GUCY1A2: variants seen among roughly 807,000 people sequenced by gnomAD.
GUCY1A2 encodes guanylate cyclase soluble subunit alpha-2.
Under a neutral mutation model 63.5 loss-of-function variants are expected in GUCY1A2, and 27 were observed. That is an observed-to-expected ratio of 0.43 (90% CI 0.31 to 0.59). GUCY1A2 has a LOEUF of 0.59. GUCY1A2 is among the 20% of genes least tolerant of loss of function. The pLI is 0.11. For missense variants in GUCY1A2, 768 were observed against 913.3 expected, an observed-to-expected ratio of 0.84 and a Z score of 2.05; for synonymous variants, 364 against 343.5, an observed-to-expected ratio of 1.06 and a Z score of -0.66.
chr11:106,987,416 C>T (rs1267649038), intron 1 of GUCY1A2, among the ~76,000 whole-genome samples: 1 of 152,130 alleles, frequency 6.6e-6, no homozygotes, highest in African/African-American at 2.4e-5. Context: ...TTTGGGAGGC[C>T]GAGGCACGTG....
chr11:106,766,452 CTT>C, intron 6 of GUCY1A2, among the ~76,000 whole-genome samples: 1 of 151,906 alleles, frequency 6.6e-6, no homozygotes, highest in Non-Finnish European at 1.5e-5. Flanking sequence ...TATAAAAAGA[CTT>C]TAAAGATACA....
chr11:106,790,493 T>G (rs1474269848), intron 5 of GUCY1A2, among the ~76,000 whole-genome samples: 4 of 152,228 alleles, frequency 2.6e-5, no homozygotes, highest in Admixed American at 2.0e-4. Context: ...TTACTGGGGC[T>G]GAGCTGGTAC....
At chr11:106,900,900 G>A (rs1860123342) in intron 4 of GUCY1A2, among the ~76,000 whole-genome samples, 1 of 152,202 alleles carries the variant, frequency 6.6e-6, no homozygotes, top group Admixed American at 6.5e-5. Flanking sequence ...TGTAGGTTTT[G>A]CCTCTGTTGT....
chr11:107,002,832 T>A (rs1241159574), intron 1 of GUCY1A2, among the ~76,000 whole-genome samples: 1 of 152,152 alleles, frequency 6.6e-6, no homozygotes, highest in Non-Finnish European at 1.5e-5. Flanking sequence ...ATGACTAAGT[T>A]AAAATGACAA....
chr11:106,937,902 G>A lies in GUCY1A2; in HGVS notation c.1206+1558C>T, dbSNP rs183544868. ...TTAATTTCCTAAACCACCTGATTTC[G>A]TCATATTGAATAAATGTGCATCTTT... On this transcript the variant is annotated intron_variant, in intron 4 of 7. Transcript: ENST00000526355. Among the ~76,000 whole-genome samples the A allele has an allele frequency of 3.2e-3, 488 of 152,058 alleles. 4 individuals are homozygous for A. The highest frequency in any genetic ancestry group is 0.01 in the African/African-American group (420 of 41,474).
At chr11:106,952,898 C>T (rs1840569) in intron 3 of GUCY1A2, among the ~76,000 whole-genome samples, 13,747 of 152,114 alleles carry the variant, frequency 0.09, 771 homozygotes, top group Middle Eastern at 0.15. Flanking sequence ...TCTCAGCCTC[C>T]CAAAGTGCTG....
At chr11:106,725,950 T>A (rs1005350409) in intron 6 of GUCY1A2, among the ~76,000 whole-genome samples, 1 of 152,070 alleles carries the variant, frequency 6.6e-6, no homozygotes, top group Non-Finnish European at 1.5e-5. Flanking sequence ...GAAAAGTAGA[T>A]CTTACCCATT....
intron 3 of GUCY1A2, among the ~76,000 whole-genome samples, chr11:106,952,728 C>T (rs1860927490): frequency 6.6e-6 from 1 of 151,984 alleles, no homozygotes; most frequent in African/African-American, 2.4e-5. Flanking sequence ...GAAACCTCCA[C>T]CTCCTGGGTT....
At chr11:106,925,629 C>A (rs1377152140) in intron 4 of GUCY1A2, among the ~76,000 whole-genome samples, 2 of 152,266 alleles carry the variant, frequency 1.3e-5, no homozygotes, top group East Asian at 3.9e-4. Flanking sequence ...ATATTGTCTA[C>A]ATTATAATAC....
chr11:106,725,878 TC>T (rs544278978), intron 6 of GUCY1A2, among the ~76,000 whole-genome samples: 33 of 151,370 alleles, frequency 2.2e-4, no homozygotes, highest in Admixed American at 5.3e-4. Flanking sequence ...TTTTTTTTTT[TC>T]CCTCCTTTTA....
intron 3 of GUCY1A2, among the ~76,000 whole-genome samples, chr11:106,957,864 T>A (rs1484801744): frequency 1.4e-3 from 8 of 5,686 alleles, no homozygotes; most frequent in African/African-American, 3.3e-3. Flanking sequence ...ACTTTTTTTT[T>A]TTTTTTTTTT....
chr11:106,844,931 A>G lies in GUCY1A2; in HGVS notation c.1207-34453T>C, dbSNP rs75189104. On this transcript the variant is annotated intron_variant, in intron 4 of 7. Transcript: ENST00000526355. ...GGCATCATTTTTCCAATTACCTTTC[A>G]GGTAAACATAACAGAAAAAAAAGGC... is the stretch of plus-strand genomic sequence containing the variant. Among the ~76,000 whole-genome samples the G allele has an allele frequency of 1.5e-3, 230 of 151,856 alleles. 2 individuals carry two copies. The highest frequency in any genetic ancestry group is 2.6e-3 in the Admixed American group (39 of 15,198).
At chr11:106,728,185 G>A (rs1057406227) in intron 6 of GUCY1A2, among the ~76,000 whole-genome samples, 1 of 151,872 alleles carries the variant, frequency 6.6e-6, no homozygotes, top group Non-Finnish European at 1.5e-5. Flanking sequence ...TCTTCTTCTT[G>A]CACCATCCTA....
intron 7 of GUCY1A2, among the ~76,000 whole-genome samples, chr11:106,699,811 T>G (rs1350789996): frequency 1.3e-5 from 2 of 151,906 alleles, no homozygotes; most frequent in African/African-American, 4.8e-5. Context: ...AGGCGGAGTC[T>G]CGGTCTGTCG....
At chr11:106,709,291 ATTTATATTTT>A (rs1862989986) in intron 6 of GUCY1A2, among the ~76,000 whole-genome samples, 1 of 51,472 alleles carries the variant, frequency 1.9e-5, no homozygotes, top group African/African-American at 1.3e-4. Flanking sequence ...ATTTATATAT[ATTTATATTTT>A]TATATTTATA....
At chr11:106,825,609 A>G (rs1289600017) in intron 4 of GUCY1A2, among the ~76,000 whole-genome samples, 1 of 151,872 alleles carries the variant, frequency 6.6e-6, no homozygotes, top group Admixed American at 6.6e-5. Flanking sequence ...TTTGAAAGCA[A>G]TATTACACTG....
chr11:106,831,916 CCATACT>C (rs1426183600), intron 4 of GUCY1A2, among the ~76,000 whole-genome samples: 1 of 152,142 alleles, frequency 6.6e-6, no homozygotes, highest in Non-Finnish European at 1.5e-5. Context: ...CGCACCTCCT[CCATACT>C]AAGAATGTGG....
chr11:106,954,265 T>A (rs1012684045), intron 3 of GUCY1A2, among the ~76,000 whole-genome samples: 1 of 152,190 alleles, frequency 6.6e-6, no homozygotes, highest in African/African-American at 2.4e-5. Context: ...AATTTCATTA[T>A]TTACCCGGGA....
chr11:106,718,812 C>A (rs796202440), intron 6 of GUCY1A2, among the ~76,000 whole-genome samples: 1 of 152,054 alleles, frequency 6.6e-6, no homozygotes, highest in Non-Finnish European at 1.5e-5. Context: ...GAAGCACACA[C>A]AAACTGACCA....
Sources: allele counts gnomAD v4.1 joint callset (sites outside exome capture counted in the v4.1 genomes callset), GRCh38; gene constraint gnomAD v4.1.1; transcripts MANE v1.5; gene names NCBI Gene and HGNC (gene_info 2026-07-23, HGNC 2026-07-21).